TP63: variants seen among roughly 807,000 people sequenced by gnomAD.
TP63 encodes the protein tumor protein p63, also known as tumor protein 63.
TP63 carries 17 observed loss-of-function variants against 82.8 expected under a neutral mutation model. That is an observed-to-expected ratio of 0.21 (90% CI 0.14 to 0.31). TP63 has a LOEUF of 0.31. Among genes scored for constraint, TP63 ranks in the 10% least tolerant of loss-of-function variants. The pLI is 1.00. For synonymous variants in TP63, 330 were observed against 321.7 expected (o/e 1.03, Z -0.28); for missense variants, 648 against 895.3 (o/e 0.72, Z 3.52).
chr3:189,784,194 T>C (rs1724428110), intron 3 of TP63, among the ~76,000 whole-genome samples: 1 of 152,016 alleles, frequency 6.6e-6, no homozygotes, highest in Admixed American at 6.6e-5. Flanking sequence ...AGAGATTATC[T>C]TATCTCTGTA....
the TP63 span, among the ~76,000 whole-genome samples, chr3:189,621,281 A>G: frequency 6.6e-6 from 1 of 152,156 alleles, no homozygotes; most frequent in Admixed American, 6.5e-5. Context: ...CATTTTCCAT[A>G]CCATGGAAAT....
chr3:189,663,573 G>A (rs1714122133), intron 1 of TP63, among the ~76,000 whole-genome samples: 1 of 122,328 alleles, frequency 8.2e-6, no homozygotes, highest in East Asian at 2.5e-4. Flanking sequence ...TGTCACCCAG[G>A]CTGGAGTTCG....
intron 4 of TP63, among the ~76,000 whole-genome samples, chr3:189,851,416 GA>G (rs922210184): frequency 4.4e-4 from 66 of 151,340 alleles, no homozygotes; most frequent in Non-Finnish European, 8.7e-4. Flanking sequence ...AAGAAAAATA[GA>G]AAAAAAAATT....
At chr3:189,627,099 C>G (rs945914443), upstream of TP63, among the ~76,000 whole-genome samples, 11 of 152,212 alleles carry the variant, frequency 7.2e-5, no homozygotes, top group African/African-American at 1.9e-4. Context: ...TACCAGAGCT[C>G]GTACTAACCC....
intron 10 of TP63, among the ~76,000 whole-genome samples, chr3:189,875,589 C>CATATATATATATATATATATATATATAT (rs779050433): frequency 2.3e-5 from 1 of 44,424 alleles, no homozygotes; most frequent in African/African-American, 1.1e-4. Flanking sequence ...AAAAAAAATA[C>CATATATATATATATATATATATATATAT]ATACATATAT....
chr3:189,774,312 T>G (rs1041053463), intron 3 of TP63, among the ~76,000 whole-genome samples: 3 of 152,220 alleles, frequency 2.0e-5, no homozygotes, highest in Non-Finnish European at 4.4e-5. Flanking sequence ...ATATTTATAG[T>G]TTGTCTAAAG....
intron 4 of TP63, among the ~76,000 whole-genome samples, chr3:189,860,544 G>GA (rs1368021075): frequency 3.3e-5 from 5 of 151,880 alleles, no homozygotes; most frequent in African/African-American, 4.8e-5. Context: ...TTTGTAAAAA[G>GA]AAAAAAAAGC....
chr3:189,639,644 C>G (rs912505163), intron 1 of TP63, among the ~76,000 whole-genome samples: 23 of 152,082 alleles, frequency 1.5e-4, no homozygotes, highest in African/African-American at 5.1e-4. Flanking sequence ...TCCATTAACT[C>G]AGGCAGATTT....
Position 189,889,449 on chromosome 3 carries a change from C to G in TP63, c.1617C>G (p.Pro539=), listed in dbSNP as rs747728012. ...TGCCATCCACCTCCCACTGCACACC[C>G]CCACCTCCGTATCCCACAGATTGCA... ...LSMPSTSHCT[P]PPPYPTDCSI... The change falls in exon 12 of 14, where the codon CCC becomes CCG. Residue 539 remains proline, a synonymous_variant. Transcript: ENST00000264731. 1 of 1,614,076 alleles carries G rather than the reference C, an allele frequency of 6.2e-7. No individual in the cohort carries two copies. The highest frequency in any genetic ancestry group is 8.5e-7 in the Non-Finnish European group (1 of 1,180,032).
At chr3:189,646,491 A>G (rs1260185189) in intron 1 of TP63, among the ~76,000 whole-genome samples, 1 of 147,402 alleles carries the variant, frequency 6.8e-6, no homozygotes, top group Non-Finnish European at 1.5e-5. Context: ...TAAACTTTTA[A>G]TTATTTCTGG....
At chr3:189,778,158 C>T (rs1261928642) in intron 3 of TP63, among the ~76,000 whole-genome samples, 1 of 152,120 alleles carries the variant, frequency 6.6e-6, no homozygotes, top group African/African-American at 2.4e-5. Context: ...TGAGCCACTG[C>T]GCCTGGCCGA....
chr3:189,791,096 A>C (rs183451928), intron 3 of TP63, among the ~76,000 whole-genome samples: 5 of 152,244 alleles, frequency 3.3e-5, no homozygotes, highest in Admixed American at 3.3e-4. Flanking sequence ...AAATGTTACC[A>C]ATTTGTTTTT....
At chr3:189,785,777 G>A (rs1189766077) in intron 3 of TP63, among the ~76,000 whole-genome samples, 1 of 152,050 alleles carries the variant, frequency 6.6e-6, no homozygotes, top group Non-Finnish European at 1.5e-5. Flanking sequence ...GGGACACCCT[G>A]AGGAGTGACA....
At chr3:189,642,737 C>G (rs1180706393) in intron 1 of TP63, among the ~76,000 whole-genome samples, 1 of 151,994 alleles carries the variant, frequency 6.6e-6, no homozygotes, top group Admixed American at 6.6e-5. Context: ...GCTGTGTAAC[C>G]TGTCCTGGGT....
chr3:189,715,174 A>G (rs1344860954), intron 1 of TP63, among the ~76,000 whole-genome samples: 1 of 152,090 alleles, frequency 6.6e-6, no homozygotes, highest in African/African-American at 2.4e-5. Context: ...AGGACCCAGA[A>G]GAAATCTTTG....
chr3:189,631,595 A>G lies in TP63; in HGVS notation c.62+18A>G, dbSNP rs756599325. The G allele has an allele frequency of 3.1e-6, 5 of 1,612,584 alleles. No individual in the cohort carries two copies. The African/African-American group carries it at 4.0e-5, about 13-fold the overall frequency. Reference sequence around the variant, plus strand: ...ATCCAGCGGTGAGTTTGAATGTGACATAACTTCTCTCAAAACTTAATTGAA... The same window carrying G: ...ATCCAGCGGTGAGTTTGAATGTGACGTAACTTCTCTCAAAACTTAATTGAA... On this transcript the variant is annotated intron_variant, in intron 1 of 13. Coordinates refer to ENST00000264731, the MANE Select transcript of TP63 (RefSeq NM_003722.5).
At chr3:189,610,975 T>C in the TP63 span, among the ~76,000 whole-genome samples, 4 of 152,150 alleles carry the variant, frequency 2.6e-5, no homozygotes, top group Non-Finnish European at 4.4e-5. Context: ...CTGAGACTTA[T>C]TTGCTGTCAT....
rs964721744 is a variant in TP63 at position 189,734,470 on chromosome 3, A to G, written c.63-3270A>G. 4.6e-5 allele frequency among the ~76,000 whole-genome samples: 7 copies of G among 152,264 alleles called. No individual in the cohort carries two copies. The Middle Eastern group carries it at 0.01, about 222-fold the overall frequency. ...GTAACCTATTCAGTGAAACAACAGTAGTATTGTTTTTATCTATTTTGTTTG... is the reference window on the plus strand; with the variant it reads ...GTAACCTATTCAGTGAAACAACAGTGGTATTGTTTTTATCTATTTTGTTTG... On this transcript the variant is annotated intron_variant, in intron 1 of 13. Transcript: ENST00000264731.
At chr3:189,741,301 G>A (rs1325825651) in intron 3 of TP63, among the ~76,000 whole-genome samples, 11 of 151,770 alleles carry the variant, frequency 7.2e-5, no homozygotes, top group Admixed American at 5.2e-4. Flanking sequence ...TCTCATATAT[G>A]TCCATGTGGA....
Sources: gnomAD v4.1 joint callset for allele counts (sites outside exome capture counted in the v4.1 genomes callset) on GRCh38, gnomAD v4.1.1 for gene constraint, MANE v1.5 for transcripts, NCBI Gene and HGNC (gene_info 2026-07-23, HGNC 2026-07-21) for gene names.